TSPAN14: variants seen among roughly 807,000 people sequenced by gnomAD.
TSPAN14 encodes tetraspanin 14.
In TSPAN14, 16 loss-of-function variants were observed where a neutral mutation model predicts 36.6. The observed-to-expected ratio is 0.44, with a 90% CI of 0.30 to 0.66. TSPAN14 has a LOEUF of 0.66. Among genes scored for constraint, TSPAN14 ranks in the 30% least tolerant of loss-of-function variants. The probability of loss-of-function intolerance (pLI) is 0.12; values close to 1 mark genes in which losing one functional copy is unlikely to be tolerated. For synonymous variants in TSPAN14, 139 were observed against 143.8 expected (o/e 0.97, Z 0.24); for missense variants, 231 against 355.1 (o/e 0.65, Z 2.81).
rs542938749 is a variant in TSPAN14, at chr10:80,520,907, T to C, written c.*2931T>C. 109 of 494,434 alleles carry C rather than the reference T, an allele frequency of 2.2e-4. 1 individual carries two copies. Among genetic ancestry groups the C allele is most frequent in the Middle Eastern group, 1.2e-3 (3 of 2,578 alleles). The allele number at this position is 494,434 out of a possible 1,614,324, so 30.6% of individuals were successfully genotyped here. ...CTCGCCAGTTCTCTGACCTCTCCCATATGTCTGCTTAGGACTCTGCTGCAG... is the reference window on the plus strand; with the variant it reads ...CTCGCCAGTTCTCTGACCTCTCCCACATGTCTGCTTAGGACTCTGCTGCAG... On this transcript the variant is annotated 3_prime_UTR_variant, in exon 9 of 9. Transcript: ENST00000429989.
rs760818156 is a variant in TSPAN14 at position 80,509,489 on chromosome 10, G to A, written c.450+18G>A. 6 of 1,610,808 alleles carry A rather than the reference G, an allele frequency of 3.7e-6. No individual in the cohort carries two copies. Among genetic ancestry groups the A allele is most frequent in the Non-Finnish European group, 3.4e-6 (4 of 1,178,550 alleles). On this transcript the variant is annotated intron_variant, in intron 5 of 8. Transcript: ENST00000429989. The surrounding 1 kb of genome is among the most constrained non-coding windows in gnomAD (Gnocchi z 4.7). The stretch of plus-strand genomic sequence containing the variant: ...AGAAAGCTGTAAGCACCTCCCCAGC[G>A]GGCCCCCGATAGAGCATGCACCTCC...
exon 9 of TSPAN14, chr10:80,518,331 C>T (rs901619142): frequency 6.2e-5 from 19 of 308,242 alleles, no homozygotes; most frequent in Non-Finnish European, 9.9e-5. Flanking sequence ...CCCTGGTCCC[C>T]TCTCCACTGG....
At chr10:80,481,255 T>A (rs1405726387) in intron 1 of TSPAN14, among the ~76,000 whole-genome samples, 1 of 152,212 alleles carries the variant, frequency 6.6e-6, no homozygotes, top group Non-Finnish European at 1.5e-5. Flanking sequence ...TTCTGTGCAC[T>A]GGTCCAGATG....
At chr10:80,507,241 A>G in exon 4 of TSPAN14, 1 of 1,614,128 alleles carries the variant, frequency 6.2e-7, no homozygotes, top group Non-Finnish European at 8.5e-7. Flanking sequence ...GTGCTGTCCG[A>G]CCTCACCAAA....
At chr10:80,475,210 G>A (rs1303427750) in intron 1 of TSPAN14, among the ~76,000 whole-genome samples, 1 of 152,188 alleles carries the variant, frequency 6.6e-6, no homozygotes, top group Non-Finnish European at 1.5e-5. Context: ...GAGTGTCAGT[G>A]TTGCAGTGAT....
At chr10:80,459,892 C>T (rs1251245729) in intron 1 of TSPAN14, among the ~76,000 whole-genome samples, 1 of 152,156 alleles carries the variant, frequency 6.6e-6, no homozygotes, top group Admixed American at 6.5e-5. Context: ...TGAGGGTCCT[C>T]TCCTGTGTCC....
Position 80,518,247 on chromosome 10 carries a change from G to A in TSPAN14, c.*271G>A, listed in dbSNP as rs531550077. On this transcript the variant is annotated 3_prime_UTR_variant, in exon 9 of 9. Coordinates refer to ENST00000429989, the Ensembl canonical transcript of TSPAN14. ...TTATGTGGGAGTGGTGACTCTGAAA[G>A]ACAGAGAGGGCTCCTGTGGCTGCCA... 1.9e-4 allele frequency: 93 copies of A among 502,448 alleles called. No homozygotes were observed. The South Asian group carries it at 2.0e-3, about 11-fold the overall frequency. 31.1% of individuals were successfully genotyped at this position (502,448 alleles called of 1,614,324 possible).
chr10:80,460,486 A>G (rs1246961368), intron 1 of TSPAN14, among the ~76,000 whole-genome samples: 1 of 152,114 alleles, frequency 6.6e-6, no homozygotes, highest in African/African-American at 2.4e-5. Flanking sequence ...GAGGGACAGA[A>G]TCTCTGTCAG....
chr10:80,480,481 G>A (rs189166106), intron 1 of TSPAN14, among the ~76,000 whole-genome samples: 30 of 152,216 alleles, frequency 2.0e-4, no homozygotes, highest in African/African-American at 5.1e-4. Context: ...ACATGCACAC[G>A]TATGTTTATT....
At chr10:80,457,575 T>A (rs1845790385) in intron 1 of TSPAN14, among the ~76,000 whole-genome samples, 1 of 152,220 alleles carries the variant, frequency 6.6e-6, no homozygotes, top group African/African-American at 2.4e-5. Context: ...TGGCCCACAG[T>A]GGAACTAATG....
chr10:80,497,916 C>T (rs1848282296), intron 2 of TSPAN14, among the ~76,000 whole-genome samples: 1 of 152,204 alleles, frequency 6.6e-6, no homozygotes, highest in African/African-American at 2.4e-5. Context: ...GGTGTGATAG[C>T]TATGTGACCC....
At chr10:80,494,622 G>A (rs1007927297) in intron 2 of TSPAN14, among the ~76,000 whole-genome samples, 9 of 152,218 alleles carry the variant, frequency 5.9e-5, no homozygotes, top group African/African-American at 1.9e-4. Context: ...TGCTGTTCCT[G>A]GGCTCTTCTG....
rs376020091 is a variant in TSPAN14 at position 80,508,169 on chromosome 10, G to T, written c.279+795G>T. ...CTCGCTCTGTTGCCCAGGCTGGAGT[G>T]CAGTGGCGTGATCTCGGCTAACTGC... is the stretch of plus-strand genomic sequence containing the variant. On this transcript the variant is annotated intron_variant, in intron 4 of 8. Transcript: ENST00000429989. Among the ~76,000 whole-genome samples, 51 of 149,958 alleles carry T rather than the reference G, an allele frequency of 3.4e-4. No individual in the cohort carries two copies. The South Asian group carries it at 7.6e-3, about 22-fold the overall frequency.
At chr10:80,517,996 C>T (rs367866133) in exon 9 of TSPAN14, 86 of 1,553,676 alleles carry the variant, frequency 5.5e-5, no homozygotes, top group Non-Finnish European at 6.3e-5. Flanking sequence ...TTGAGGGAGC[C>T]GAGCTGAGCC....
intron 1 of TSPAN14, among the ~76,000 whole-genome samples, chr10:80,470,706 A>G (rs1490493225): frequency 6.6e-6 from 1 of 152,340 alleles, no homozygotes; most frequent in East Asian, 1.9e-4. Context: ...TTATTGGAGC[A>G]AAGTTTGTTT....
chr10:80,477,255 T>C (rs1268407112), intron 1 of TSPAN14, among the ~76,000 whole-genome samples: 3 of 152,352 alleles, frequency 2.0e-5, no homozygotes, highest in Admixed American at 2.0e-4. Context: ...TAACCTTAAT[T>C]ACATGTGCCA....
intron 1 of TSPAN14, among the ~76,000 whole-genome samples, chr10:80,487,657 A>C (rs1847686723): frequency 6.7e-6 from 1 of 150,054 alleles, no homozygotes; most frequent in African/African-American, 2.5e-5. Flanking sequence ...TGTCCTGTAG[A>C]GTCCTTGGGC....
intron 8 of TSPAN14, 81 bp from the exon 9 acceptor site, chr10:80,517,824 C>T (rs1272236845): frequency 7.2e-7 from 1 of 1,395,080 alleles, no homozygotes; most frequent in Non-Finnish European, 9.9e-7. Flanking sequence ...GCAGTGGGAG[C>T]TCCCAACCCC....
At chr10:80,495,622 G>A (rs1257553208) in intron 2 of TSPAN14, among the ~76,000 whole-genome samples, 2 of 152,170 alleles carry the variant, frequency 1.3e-5, no homozygotes, top group Admixed American at 6.5e-5. Context: ...ATGCTTGCAC[G>A]TACTTTCAAG....
Sources: gnomAD v4.1 joint callset for allele counts (sites outside exome capture counted in the v4.1 genomes callset) on GRCh38, gnomAD v4.1.1 for gene constraint, Gnocchi (gnomAD v3.1) non-coding constraint, MANE v1.5 for transcripts, NCBI Gene and HGNC (gene_info 2026-07-23, HGNC 2026-07-21) for gene names.